Variants in NUP107 observed in about 807,000 individuals in gnomAD.
The protein encoded by NUP107 is nucleoporin 107.
Under a neutral mutation model 141.0 loss-of-function variants are expected in NUP107, and 101 were observed. That is an observed-to-expected ratio of 0.72 (90% confidence interval 0.61 to 0.84). The LOEUF is 0.84. NUP107 is among the 40% of genes least tolerant of loss of function. The pLI is 0.00. For synonymous variants in NUP107, 319 were observed against 363.9 expected, an observed-to-expected ratio of 0.88 and a Z score of 1.41; for missense variants, 941 against 1,102.7, an observed-to-expected ratio of 0.85 and a Z score of 2.08.
At position 68,732,741 on chromosome 12, in the gene NUP107, T is replaced by A. The variant is rs2136045725; in HGVS notation, c.2101+2T>A. On this transcript the variant is annotated splice_donor_variant, in intron 23 of 27. Coordinates refer to ENST00000229179, the MANE Select transcript of NUP107 (RefSeq NM_020401.4). LOFTEE classifies it high-confidence loss of function. ...ATGCAATTATGAGAAAATTCTTGGG[T>A]ATAGTATATTTTTATGCAGCTTCAA... 1 of 1,585,748 alleles carries A rather than the reference T, an allele frequency of 6.3e-7. No homozygotes were observed. The highest frequency in any genetic ancestry group is 8.6e-7 in the Non-Finnish European group (1 of 1,156,912).
At chr12:68,733,914 A>G (rs964352852) in intron 24 of NUP107, among the ~76,000 whole-genome samples, 1 of 152,176 alleles carries the variant, frequency 6.6e-6, no homozygotes, top group Non-Finnish European at 1.5e-5. Flanking sequence ...GCTTTTTTCA[A>G]TAACTGAGAA....
intron 20 of NUP107, among the ~76,000 whole-genome samples, chr12:68,728,519 G>A (rs1258322143): frequency 6.7e-6 from 1 of 149,910 alleles, no homozygotes; most frequent in African/African-American, 2.5e-5. Context: ...CGCCTCCCAG[G>A]TTCAAGCGGT....
intron 22 of NUP107, among the ~76,000 whole-genome samples, chr12:68,732,172 C>T (rs1877858623): frequency 6.6e-6 from 1 of 152,178 alleles, no homozygotes; most frequent in Non-Finnish European, 1.5e-5. Context: ...AGGTCTAGCT[C>T]TGTTACCAAG....
chr12:68,736,169 G>A (rs1236693871), intron 26 of NUP107, among the ~76,000 whole-genome samples: 1 of 152,180 alleles, frequency 6.6e-6, no homozygotes, highest in Middle Eastern at 3.4e-3. Flanking sequence ...CTGGCTTCTT[G>A]GATATTTGAT....
intron 22 of NUP107, among the ~76,000 whole-genome samples, 191 bp downstream of exon 22, chr12:68,731,910 G>A (rs191031035): frequency 1.1e-4 from 16 of 152,238 alleles, no homozygotes; most frequent in Admixed American, 9.8e-4. Flanking sequence ...TGTTAAAGGA[G>A]CTTCTTTAAT....
In NUP107 at chr12:68,745,793, T is replaced by TA. The variant is rs1878504077; in HGVS notation, c.*3337dup. 1 of 152,236 alleles carries TA rather than the reference T, an allele frequency of 6.6e-6. No individual in the cohort carries two copies. The highest frequency in any genetic ancestry group is 2.4e-5 in the African/African-American group (1 of 41,458). The allele number at this position is 152,236 out of a possible 1,614,324, so 9.4% of individuals were successfully genotyped here. On this transcript the variant is annotated 3_prime_UTR_variant, in exon 28 of 28. Coordinates refer to ENST00000229179, the MANE Select transcript of NUP107 (RefSeq NM_020401.4). Reference sequence around the variant, plus strand: ...AATTTTGAATGTCTTTTTCCAAAAATAAAAAATAAAAACATGCTTTCAATA... The same window carrying TA: ...AATTTTGAATGTCTTTTTCCAAAAATAAAAAAATAAAAACATGCTTTCAATA...
At chr12:68,719,304 T>C (rs375265852) in intron 12 of NUP107, 37 bp from the exon 13 acceptor site, 1 of 1,499,874 alleles carries the variant, frequency 6.7e-7, no homozygotes, top group East Asian at 2.3e-5. Flanking sequence ...TAAAGCACCC[T>C]GGTTATTGGA....
intron 7 of NUP107, among the ~76,000 whole-genome samples, chr12:68,701,080 A>T (rs533711115): frequency 1.5e-3 from 231 of 152,326 alleles, no homozygotes; most frequent in Non-Finnish European, 2.8e-3. Flanking sequence ...GACTTAAGGA[A>T]AGTACTAAAA....
intron 27 of NUP107, 23 bp downstream of exon 27, chr12:68,742,003 T>G (rs1273932785): frequency 4.6e-6 from 7 of 1,530,478 alleles, no homozygotes; most frequent in Non-Finnish European, 4.4e-6. Flanking sequence ...GCCTTGTAGT[T>G]TTAAATTTTA....
At chr12:68,714,823 G>A (rs946201447) in intron 11 of NUP107, among the ~76,000 whole-genome samples, 4 of 152,134 alleles carry the variant, frequency 2.6e-5, no homozygotes, top group African/African-American at 9.7e-5. Context: ...TTTTTTATTA[G>A]GCATTGGTGT....
intron 1 of NUP107, 34 bp downstream of exon 1, chr12:68,687,107 C>G (rs930163845): frequency 1.2e-6 from 2 of 1,613,320 alleles, no homozygotes; most frequent in African/African-American, 2.7e-5. Context: ...AGCCCGAAGT[C>G]TTGCCCGTCT....
In NUP107 at chr12:68,721,944, T is replaced by C. The variant is rs1877370424; in HGVS notation, c.1415T>C (p.Leu472Pro). The C allele has an allele frequency of 1.9e-6, 3 of 1,613,956 alleles. No homozygotes were observed. The highest frequency in any genetic ancestry group is 1.3e-5 in the African/African-American group (1 of 74,932). ...GAGATCCAGACATCAGTAGCAACTCTGGATGAAACTGAAGAACTCCCTAGA... is the reference window on the plus strand; with the variant it reads ...GAGATCCAGACATCAGTAGCAACTCCGGATGAAACTGAAGAACTCCCTAGA... Reference protein sequence around the residue: ...EQEIQTSVATLDETEELPREY... With the variant: ...EQEIQTSVATPDETEELPREY... Residue 472 changes from leucine to proline, a missense_variant, in exon 16 of 28, where the codon CTG becomes CCG. By Grantham distance (98) the Leu-to-Pro change is moderately conservative (BLOSUM62 -3). Transcript: ENST00000229179.
intron 8 of NUP107, among the ~76,000 whole-genome samples, chr12:68,703,435 C>G (rs1460671695): frequency 6.6e-6 from 1 of 151,516 alleles, no homozygotes; most frequent in Non-Finnish European, 1.5e-5. Flanking sequence ...TTCATTTATA[C>G]ATTATACTGA....
intron 25 of NUP107, among the ~76,000 whole-genome samples, 157 bp downstream of exon 25, chr12:68,734,990 T>G (rs554115764): frequency 1.3e-5 from 2 of 152,358 alleles, no homozygotes; most frequent in East Asian, 3.9e-4. Context: ...TTAGTTACTT[T>G]TCTGTAGGTA....
intron 6 of NUP107, among the ~76,000 whole-genome samples, chr12:68,697,827 C>T (rs553696866): frequency 1.8e-4 from 27 of 151,872 alleles, no homozygotes; most frequent in Non-Finnish European, 2.5e-4. Flanking sequence ...GTCAGGAGTT[C>T]GAGACCAGCC....
At chr12:68,708,155 C>T (rs1027067513) in intron 8 of NUP107, among the ~76,000 whole-genome samples, 4 of 151,956 alleles carry the variant, frequency 2.6e-5, no homozygotes, top group African/African-American at 9.7e-5. Flanking sequence ...CTTGAACATC[C>T]ACAGATTTTG....
Position 68,688,983 on chromosome 12 carries a change from A to T in NUP107, c.30A>T (p.Ser10=). The part of the protein sequence containing the change: MDRSGFGEI[S]SPVIREAEVT... ...TTAGGAGTGGCTTTGGAGAGATATC[A>T]TCCCCTGTAATCCGGGAGGCAGAGG... is the stretch of plus-strand genomic sequence containing the variant. Residue 10 remains serine (S), a synonymous_variant, in exon 2 of 28, where the codon TCA becomes TCT. Transcript: ENST00000229179. 1 of 1,613,624 alleles carries T rather than the reference A, an allele frequency of 6.2e-7. No individual in the cohort carries two copies. Among genetic ancestry groups the T allele is most frequent in the Admixed American group, 1.7e-5 (1 of 59,986 alleles).
intron 6 of NUP107, among the ~76,000 whole-genome samples, chr12:68,700,218 A>G (rs1876263347): frequency 6.6e-6 from 1 of 152,072 alleles, no homozygotes; most frequent in Admixed American, 6.6e-5. Flanking sequence ...AAAAGGTTTA[A>G]GACCACTATT....
chr12:68,731,101 AT>A lies in NUP107; in HGVS notation c.1735-3del, dbSNP rs1877802372. On this transcript the variant is annotated splice_polypyrimidine_tract_variant and splice_region_variant and intron_variant, in intron 20 of 27. Transcript: ENST00000229179. ...TATTGACATACTTTGATCTTTTTCT[AT>A]TTTTTAGCTTTTAATAAGAGAGAAA... 3.2e-6 allele frequency: 5 copies of A among 1,544,528 alleles called. No individual in the cohort carries two copies. Among genetic ancestry groups the A allele is most frequent in the African/African-American group, 1.4e-5 (1 of 71,906 alleles).
Sources: gnomAD v4.1 joint callset for allele counts (sites outside exome capture counted in the v4.1 genomes callset) on GRCh38, gnomAD v4.1.1 for gene constraint, MANE v1.5 for transcripts, NCBI Gene and HGNC (gene_info 2026-07-23, HGNC 2026-07-21) for gene names.